Variants in HDAC1 observed in about 807,000 individuals in gnomAD.
HDAC1 encodes histone deacetylase 1.
Under a neutral mutation model 65.5 loss-of-function variants are expected in HDAC1, and 18 were observed. The observed-to-expected ratio is 0.27, with a 90% CI of 0.19 to 0.41. The LOEUF (loss-of-function observed/expected upper bound fraction) is 0.41. Among genes scored for constraint, HDAC1 ranks in the 10% least tolerant of loss-of-function variants. HDAC1 has a pLI of 1.00. For missense variants in HDAC1, 373 were observed against 625.2 expected, an observed-to-expected ratio of 0.60 and a Z score of 4.30; for synonymous variants, 211 against 227.9, an observed-to-expected ratio of 0.93 and a Z score of 0.67.
chr1:32,305,366 A>C (rs1640897393), intron 2 of HDAC1, among the ~76,000 whole-genome samples: 1 of 152,174 alleles, frequency 6.6e-6, no homozygotes, highest in Admixed American at 6.6e-5. Flanking sequence ...CTAGGATTAG[A>C]ATTGGGTCAG....
intron 2 of HDAC1, 60 bp downstream of exon 2, chr1:32,302,793 A>G (rs1640867536): frequency 6.3e-6 from 5 of 791,692 alleles, no homozygotes; most frequent in Non-Finnish European, 1.2e-5. Flanking sequence ...CCCATATGCC[A>G]TTCATTATCT....
chr1:32,327,352 G>A lies in HDAC1; in HGVS notation c.495-184G>A, dbSNP rs1026803715. The A allele has an allele frequency of 6.3e-6, 4 of 634,928 alleles. No homozygotes were observed. In the Admixed American group the frequency reaches 8.4e-5, roughly 13 times the overall value. 39.3% of individuals were successfully genotyped at this position (634,928 alleles called of 1,614,324 possible). On this transcript the variant is annotated intron_variant, in intron 5 of 13. Transcript: ENST00000373548. The surrounding 1 kb of genome is among the most constrained non-coding windows in gnomAD (Gnocchi z 6.0). ...CTGTAGAGTAGGAAGATCGGACTTG[G>A]TCGGCTTGGTCAGGCCTCTGGAGAC... is the stretch of plus-strand genomic sequence containing the variant.
chr1:32,320,980 A>G (rs999072770), intron 3 of HDAC1, among the ~76,000 whole-genome samples: 2 of 151,100 alleles, frequency 1.3e-5, no homozygotes, highest in African/African-American at 4.9e-5. Flanking sequence ...AAAATAATAT[A>G]ATGCACTTTG....
chr1:32,306,423 C>T (rs1212013711), intron 2 of HDAC1, among the ~76,000 whole-genome samples: 1 of 151,928 alleles, frequency 6.6e-6, no homozygotes, highest in Non-Finnish European at 1.5e-5. Flanking sequence ...CTCGCAAAGT[C>T]CTGGGATTAC....
intron 1 of HDAC1, among the ~76,000 whole-genome samples, chr1:32,300,517 C>T (rs576472169): frequency 8.3e-4 from 126 of 151,994 alleles, no homozygotes; most frequent in Non-Finnish European, 4.7e-4. Context: ...GAGATAGTAC[C>T]ATTGCACTCC....
intron 1 of HDAC1, among the ~76,000 whole-genome samples, chr1:32,300,981 A>G (rs1570004334): frequency 6.6e-6 from 1 of 152,200 alleles, no homozygotes; most frequent in Non-Finnish European, 1.5e-5. Context: ...TTTATTTACC[A>G]AAACAGGCAA....
chr1:32,330,596 G>A lies in HDAC1; in HGVS notation c.748G>A (p.Glu250Lys). Residue 250 changes from glutamate (E) to lysine (K), a missense_variant, in exon 8 of 14, where the codon GAG becomes AAG. Glu to Lys is a moderately conservative substitution (Grantham distance 56, BLOSUM62 1). Transcript: ENST00000373548. This position sits in a 1 kb window ranked among gnomAD's most constrained non-coding sequence, Gnocchi z 4.2. ...IFKPVMSKVM[E>K]MFQPSAVVLQ... ...ATTTTAGGTCATGTCCAAAGTAATG[G>A]AGATGTTCCAGCCTAGTGCGGTGGT... 2 of 1,612,942 alleles carry A rather than the reference G, an allele frequency of 1.2e-6. No homozygotes were observed. The highest frequency in any genetic ancestry group is 2.7e-5 in the African/African-American group (2 of 74,990).
Position 32,331,432 on chromosome 1 carries a change from G to A in HDAC1, c.980-42G>A, listed in dbSNP as rs2148072934. ...CTTACGTGCAAATGGTTAGGGTGCG[G>A]TGGCCAGGTCTCTTGACGGTCTTCT... is the stretch of plus-strand genomic sequence containing the variant. On this transcript the variant is annotated intron_variant, in intron 9 of 13. Coordinates refer to ENST00000373548, the MANE Select transcript of HDAC1 (RefSeq NM_004964.3). The surrounding 1 kb of genome is among the most constrained non-coding windows in gnomAD (Gnocchi z 4.2). 1.7e-6 allele frequency: 2 copies of A among 1,149,082 alleles called. No homozygotes were observed. The highest frequency in any genetic ancestry group is 2.6e-6 in the Non-Finnish European group (2 of 756,282). 71.2% of individuals were successfully genotyped at this position (1,149,082 alleles called of 1,614,324 possible).
chr1:32,306,697 T>C (rs1640915639), intron 2 of HDAC1, among the ~76,000 whole-genome samples: 1 of 152,204 alleles, frequency 6.6e-6, no homozygotes, highest in African/African-American at 2.4e-5. Context: ...TCCTGGACTG[T>C]GTTTCCTGTG....
At chr1:32,295,152 G>A (rs1281360436) in intron 1 of HDAC1, among the ~76,000 whole-genome samples, 6 of 152,126 alleles carry the variant, frequency 3.9e-5, no homozygotes, top group East Asian at 1.9e-4. Context: ...GGTGGCTCAC[G>A]CCTATAATCC....
chr1:32,293,996 A>G (rs1169188031), intron 1 of HDAC1, among the ~76,000 whole-genome samples: 1 of 150,010 alleles, frequency 6.7e-6, no homozygotes, highest in Non-Finnish European at 1.5e-5. Context: ...TGAACCTGGG[A>G]GGCAGAGGTT....
At position 32,332,955 on chromosome 1, in the gene HDAC1, T is replaced by C. The variant is rs1641317623; in HGVS notation, c.1422-62T>C. The C allele has an allele frequency of 9.0e-6, 14 of 1,559,688 alleles. No individual in the cohort carries two copies. The South Asian group carries it at 1.2e-4, about 14-fold the overall frequency. ...CTAGGATCCTGTGGAAGTCACTGTC[T>C]GCACTTTTGCCCTGAGGCTCTGGGC... is the stretch of plus-strand genomic sequence containing the variant. On this transcript the variant is annotated intron_variant, in intron 13 of 13. Coordinates refer to ENST00000373548, the MANE Select transcript of HDAC1 (RefSeq NM_004964.3).
At chr1:32,324,404 T>C in intron 3 of HDAC1, 75 bp from the exon 4 acceptor site, 1 of 1,013,128 alleles carries the variant, frequency 9.9e-7, no homozygotes, top group East Asian at 2.4e-5. Flanking sequence ...AAATTCTGTG[T>C]TTTTTTCCAT....
chr1:32,309,229 C>T (rs1640954855), intron 2 of HDAC1, among the ~76,000 whole-genome samples: 1 of 152,162 alleles, frequency 6.6e-6, no homozygotes, highest in Non-Finnish European at 1.5e-5. Flanking sequence ...GTAGACCAAG[C>T]AAACATGCAA....
At chr1:32,304,753 G>C (rs1229476149) in intron 2 of HDAC1, among the ~76,000 whole-genome samples, 1 of 151,944 alleles carries the variant, frequency 6.6e-6, no homozygotes, top group Non-Finnish European at 1.5e-5. Context: ...GGTAGAAATG[G>C]GGTTTCACCA....
chr1:32,312,251 C>A (rs1323754629), intron 2 of HDAC1, among the ~76,000 whole-genome samples: 1 of 152,220 alleles, frequency 6.6e-6, no homozygotes, highest in Non-Finnish European at 1.5e-5. Context: ...AGAGCCAGAT[C>A]TCTGGATTCC....
chr1:32,312,362 A>G (rs1210539723), intron 2 of HDAC1, among the ~76,000 whole-genome samples: 1 of 151,222 alleles, frequency 6.6e-6, no homozygotes, highest in Admixed American at 6.6e-5. Flanking sequence ...TGAATTTTTT[A>G]TTTTTATTTT....
At chr1:32,299,397 T>TACAA (rs1275411872) in intron 1 of HDAC1, among the ~76,000 whole-genome samples, 8 of 151,816 alleles carry the variant, frequency 5.3e-5, no homozygotes, top group Non-Finnish European at 1.0e-4. Flanking sequence ...ATGCCATCTC[T>TACAA]ACAAACAAAC....
At chr1:32,297,613 T>A (rs180806605) in intron 1 of HDAC1, among the ~76,000 whole-genome samples, 4 of 152,144 alleles carry the variant, frequency 2.6e-5, no homozygotes, top group Admixed American at 2.6e-4. Context: ...GGGAATAGAC[T>A]TCTTTTTTTG....
Sources: allele counts gnomAD v4.1 joint callset (sites outside exome capture counted in the v4.1 genomes callset), GRCh38; gene constraint gnomAD v4.1.1; non-coding constraint Gnocchi (gnomAD v3.1); transcripts MANE v1.5; gene names NCBI Gene and HGNC (gene_info 2026-07-23, HGNC 2026-07-21).